The following WIPF1 variants were observed in gnomAD, a reference collection of about 807,000 sequenced individuals.
The protein encoded by WIPF1 is WAS/WASL-interacting protein family member 1.
Under a neutral mutation model 35.4 loss-of-function variants are expected in WIPF1, and 13 were observed. That is an observed-to-expected ratio of 0.37 (90% CI 0.24 to 0.58). WIPF1 has a LOEUF of 0.58. WIPF1 is among the 20% of genes least tolerant of loss of function. The pLI, the probability that WIPF1 is intolerant of heterozygous loss-of-function variation, is 0.74. For synonymous variants in WIPF1, 267 were observed against 266.3 expected (o/e 1.00, Z -0.02); for missense variants, 591 against 667.0 (o/e 0.89, Z 1.25).
chr2:174,600,761 T>C (rs1336379655), upstream of WIPF1, among the ~76,000 whole-genome samples: 3 of 152,174 alleles, frequency 2.0e-5, no homozygotes, highest in Non-Finnish European at 4.4e-5. Context: ...GCAGGGACCT[T>C]GTCCATCTTG....
chr2:174,579,524 G>T (rs1462293856), intron 3 of WIPF1, among the ~76,000 whole-genome samples: 1 of 152,222 alleles, frequency 6.6e-6, no homozygotes, highest in African/African-American at 2.4e-5. Flanking sequence ...CAAAGAGCTT[G>T]TGACAGCAGT....
At chr2:174,636,161 T>C (rs1366432310) in intron 1 of WIPF1, among the ~76,000 whole-genome samples, 3 of 152,244 alleles carry the variant, frequency 2.0e-5, no homozygotes, top group Admixed American at 1.3e-4. Context: ...AAAATGATGA[T>C]GACTCAATTT....
chr2:174,673,838 AAG>A (rs1553537586), intron 1 of WIPF1: 2 of 151,786 alleles, frequency 1.3e-5, no homozygotes, highest in Non-Finnish European at 2.9e-5. Flanking sequence ...AAAAAAAAAA[AAG>A]AGTAACACTT....
At chr2:174,653,758 A>G (rs954388550) in intron 1 of WIPF1, among the ~76,000 whole-genome samples, 24 of 151,564 alleles carry the variant, frequency 1.6e-4, no homozygotes, top group East Asian at 3.9e-4. Flanking sequence ...AAAAAAAAAA[A>G]AAAAGAAACA....
intron 1 of WIPF1, among the ~76,000 whole-genome samples, chr2:174,606,959 C>T (rs1021210725): frequency 2.0e-5 from 3 of 152,124 alleles, no homozygotes; most frequent in African/African-American, 7.2e-5. Context: ...CTGGTGAGGG[C>T]CTTCTTGCCG....
At chr2:174,577,168 T>C (rs958039144) in intron 3 of WIPF1, among the ~76,000 whole-genome samples, 2 of 152,224 alleles carry the variant, frequency 1.3e-5, no homozygotes, top group African/African-American at 4.8e-5. Context: ...TTGGTTATTT[T>C]TGGCACCAGG....
rs115476647 is a variant in WIPF1 at position 174,562,286 on chromosome 2, G to A, written c.*261C>T. On this transcript the variant is annotated 3_prime_UTR_variant, in exon 8 of 8. Coordinates refer to ENST00000679041, the MANE Select transcript of WIPF1 (RefSeq NM_001375834.1). ...GATGCAAGTCATCTCTGCCTATTAC[G>A]ACAAAAGCCTATCGACCCCAGCAGC... 2,777 of 1,520,142 alleles carry A rather than the reference G, an allele frequency of 1.8e-3. 39 individuals carry two copies. In the African/African-American group the frequency reaches 0.033, roughly 18 times the overall value. The allele number at this position is 1,520,142 out of a possible 1,614,324, so 94.2% of individuals were successfully genotyped here.
chr2:174,666,089 T>C (rs1011453685), intron 1 of WIPF1, among the ~76,000 whole-genome samples: 1 of 152,186 alleles, frequency 6.6e-6, no homozygotes, highest in Non-Finnish European at 1.5e-5. Context: ...GAGACCAGCC[T>C]GGGCAACACA....
chr2:174,661,909 G>C (rs1009692131), intron 1 of WIPF1, among the ~76,000 whole-genome samples: 1 of 152,110 alleles, frequency 6.6e-6, no homozygotes, highest in Admixed American at 6.5e-5. Context: ...AGGCAGGAGT[G>C]CTTACCCTGA....
chr2:174,670,887 T>C (rs569179204), intron 1 of WIPF1, among the ~76,000 whole-genome samples: 2 of 152,316 alleles, frequency 1.3e-5, no homozygotes, highest in African/African-American at 4.8e-5. Flanking sequence ...GTGTTTTGTC[T>C]GAGACTGTAC....
At chr2:174,650,591 C>T (rs1190480218) in intron 1 of WIPF1, among the ~76,000 whole-genome samples, 3 of 152,200 alleles carry the variant, frequency 2.0e-5, no homozygotes, top group Non-Finnish European at 4.4e-5. Flanking sequence ...CTGTTCTTCT[C>T]CATGATGATT....
chr2:174,614,172 T>A (rs578068178), intron 1 of WIPF1, among the ~76,000 whole-genome samples: 152 of 152,368 alleles, frequency 1.0e-3, no homozygotes, highest in Admixed American at 3.2e-3. Context: ...GTTGGTTTTA[T>A]GTTCATTAAC....
chr2:174,669,217 C>A (rs1056527978), intron 1 of WIPF1, among the ~76,000 whole-genome samples: 6 of 152,210 alleles, frequency 3.9e-5, no homozygotes, highest in Non-Finnish European at 5.9e-5. Flanking sequence ...GGAAACAGTA[C>A]CCAGACAGTG....
chr2:174,668,606 T>C (rs986185229), intron 1 of WIPF1, among the ~76,000 whole-genome samples: 1 of 152,190 alleles, frequency 6.6e-6, no homozygotes, highest in Non-Finnish European at 1.5e-5. Flanking sequence ...ATGTCTATGA[T>C]GGGTATCAGG....
intron 1 of WIPF1, among the ~76,000 whole-genome samples, chr2:174,639,188 AT>A (rs1358727906): frequency 3.3e-5 from 5 of 152,220 alleles, no homozygotes; most frequent in Non-Finnish European, 5.9e-5. Flanking sequence ...TTTGATTTGC[AT>A]TTCCCTGATG....
chr2:174,616,683 T>C (rs1256941131), intron 1 of WIPF1, among the ~76,000 whole-genome samples: 1 of 152,234 alleles, frequency 6.6e-6, no homozygotes, highest in Non-Finnish European at 1.5e-5. Context: ...ATAAAGACCA[T>C]GTTTTACTGG....
intron 1 of WIPF1, among the ~76,000 whole-genome samples, chr2:174,675,781 C>A (rs1439807261): frequency 7.2e-6 from 1 of 138,470 alleles, no homozygotes; most frequent in African/African-American, 2.7e-5. Context: ...TTTCCAAGTT[C>A]TAAGAGACAA....
rs1421883322 is a variant in WIPF1, at chr2:174,668,511, C to A, written c.-39+14263G>T. Among the ~76,000 whole-genome samples the A allele has an allele frequency of 2.0e-5, 3 of 152,116 alleles. No individual in the cohort carries two copies. The East Asian group carries it at 5.8e-4, about 29-fold the overall frequency. On this transcript the variant is annotated intron_variant, in intron 1 of 8. Coordinates refer to the WIPF1 transcript ENST00000272746. Reference sequence around the variant, plus strand: ...ATAATGTGACACTAGTCAGTGCCACCAGTTTTAGGCAGCATTTGTGACACT... The same window carrying A: ...ATAATGTGACACTAGTCAGTGCCACAAGTTTTAGGCAGCATTTGTGACACT...
intron 1 of WIPF1, among the ~76,000 whole-genome samples, chr2:174,628,123 A>G (rs1481075821): frequency 1.3e-5 from 2 of 152,098 alleles, no homozygotes; most frequent in Non-Finnish European, 2.9e-5. Flanking sequence ...AAAATTCACA[A>G]GAGGCTGCTG....
Sources: gnomAD v4.1 joint callset for allele counts (sites outside exome capture counted in the v4.1 genomes callset) on GRCh38, gnomAD v4.1.1 for gene constraint, MANE v1.5 for transcripts, NCBI Gene and HGNC (gene_info 2026-07-23, HGNC 2026-07-21) for gene names.